The following SEL1L2 variants were observed in gnomAD, a reference collection of about 807,000 sequenced individuals.
SEL1L2 encodes protein sel-1 homolog 2.
Under a neutral mutation model 98.8 loss-of-function variants are expected in SEL1L2, and 89 were observed. The observed-to-expected ratio is 0.90, with a 90% CI of 0.76 to 1.07. The LOEUF (loss-of-function observed/expected upper bound fraction) is 1.07, where lower values mean the gene tolerates loss of function less well. Among genes scored for constraint, SEL1L2 ranks in the 50% least tolerant of loss-of-function variants. SEL1L2 has a pLI of 0.00. For missense variants in SEL1L2, 788 were observed against 812.0 expected (o/e 0.97, Z 0.36); for synonymous variants, 262 against 278.5 (o/e 0.94, Z 0.59).
chr20:13,982,731 T>C (rs1239612676), intron 1 of SEL1L2, among the ~76,000 whole-genome samples: 1 of 151,532 alleles, frequency 6.6e-6, no homozygotes, highest in African/African-American at 2.4e-5. Context: ...TTACACTACC[T>C]TAAAGCAGCA....
Position 13,935,732 on chromosome 20 carries a change from G to C in SEL1L2, c.115-3961C>G, listed in dbSNP as rs566896700. Among the ~76,000 whole-genome samples, 7 of 152,266 alleles carry C rather than the reference G, an allele frequency of 4.6e-5. No homozygotes were observed. In the East Asian group the frequency reaches 1.4e-3, roughly 29 times the overall value. The stretch of plus-strand genomic sequence containing the variant: ...GAATGGGAGCCCTATGGAGGGTTCT[G>C]AGCAGAGGAGTGATATTAACTGAAT... On this transcript the variant is annotated intron_variant, in intron 2 of 19. Coordinates refer to ENST00000284951, the MANE Select transcript of SEL1L2 (RefSeq NM_025229.2).
intron 4 of SEL1L2, among the ~76,000 whole-genome samples, chr20:13,918,619 G>C (rs1304520065): frequency 6.6e-6 from 1 of 152,182 alleles, no homozygotes; most frequent in Non-Finnish European, 1.5e-5. Flanking sequence ...ACATGAAAGT[G>C]CTTTTAAAAA....
At chr20:13,921,759 T>C (rs1483527122) in intron 3 of SEL1L2, among the ~76,000 whole-genome samples, 1 of 152,222 alleles carries the variant, frequency 6.6e-6, no homozygotes, top group African/African-American at 2.4e-5. Context: ...TCCATTGATA[T>C]TAACTTGTGT....
intron 9 of SEL1L2, among the ~76,000 whole-genome samples, chr20:13,885,749 A>G (rs2046920567): frequency 6.6e-6 from 1 of 152,142 alleles, no homozygotes; most frequent in South Asian, 2.1e-4. Flanking sequence ...TAAAACCAAC[A>G]TTGGGGTTGG....
intron 1 of SEL1L2, among the ~76,000 whole-genome samples, chr20:13,972,045 GTGTGTGAGGACACACA>G (rs1378177825): frequency 6.6e-6 from 1 of 151,946 alleles, no homozygotes; most frequent in African/African-American, 2.4e-5. Context: ...ACTTCTCTGT[GTGTGTGAGGACACACA>G]CACACACGCC....
At chr20:13,853,494 G>A (rs1163839158) in intron 18 of SEL1L2, among the ~76,000 whole-genome samples, 2 of 152,044 alleles carry the variant, frequency 1.3e-5, no homozygotes, top group Admixed American at 6.6e-5. Flanking sequence ...GATTACAGGC[G>A]TGAGCCACTG....
chr20:13,876,537 T>C (rs1048647142), intron 11 of SEL1L2, among the ~76,000 whole-genome samples: 1 of 151,746 alleles, frequency 6.6e-6, no homozygotes, highest in Non-Finnish European at 1.5e-5. Context: ...GAGTGAATAG[T>C]CTTTGAAGGA....
Position 13,987,854 on chromosome 20 carries a change from G to T in SEL1L2, c.58+2623C>A, listed in dbSNP as rs574798964. ...TGTCATTTTGTTGATGAGTTGTAAGGTTCTTTGTATACTCTGAATACTGAA... is the reference window on the plus strand; with the variant it reads ...TGTCATTTTGTTGATGAGTTGTAAGTTTCTTTGTATACTCTGAATACTGAA... On this transcript the variant is annotated intron_variant, in intron 1 of 19. Transcript: ENST00000284951. 3.0e-3 allele frequency among the ~76,000 whole-genome samples: 456 copies of T among 152,232 alleles called. 3 individuals are homozygous for T. Among genetic ancestry groups the T allele is most frequent in the Non-Finnish European group, 5.1e-3 (348 of 68,014 alleles).
chr20:13,986,247 G>A (rs1348446661), intron 1 of SEL1L2, among the ~76,000 whole-genome samples: 1 of 152,146 alleles, frequency 6.6e-6, no homozygotes, highest in Admixed American at 6.5e-5. Flanking sequence ...AAAAATTGAG[G>A]TGAAATCCAT....
chr20:13,868,877 C>T (rs1185548398), intron 14 of SEL1L2, among the ~76,000 whole-genome samples: 4 of 152,126 alleles, frequency 2.6e-5, no homozygotes, highest in African/African-American at 7.2e-5. Context: ...GGATTACAGG[C>T]GTGAGCCACC....
chr20:13,966,876 TGTC>T (rs1395773599), intron 1 of SEL1L2, among the ~76,000 whole-genome samples: 1 of 117,566 alleles, frequency 8.5e-6, no homozygotes, highest in Non-Finnish European at 1.7e-5. Flanking sequence ...ACCAGAGACC[TGTC>T]TTTTTTTTTT....
chr20:13,850,309 A>G lies in SEL1L2; in HGVS notation c.1829T>C (p.Leu610Ser). Residue 610 changes from leucine (L) to serine (S), a missense_variant, in exon 19 of 20, where the codon TTG becomes TCG. By Grantham distance (145) the Leu-to-Ser change is moderately radical (BLOSUM62 -2). Transcript: ENST00000284951. Reference sequence around the variant, plus strand: ...AGCCATGTCGTACAATCTTCTGGCCAAGTGAATGTCCTAGAAGGAGAAGAA... The same window carrying G: ...AGCCATGTCGTACAATCTTCTGGCCGAGTGAATGTCCTAGAAGGAGAAGAA... ...HGLGITKDIH[L>S]ARRLYDMAAQ... 6.2e-7 allele frequency: 1 copy of G among 1,614,046 alleles called. No homozygotes were observed.
intron 2 of SEL1L2, among the ~76,000 whole-genome samples, chr20:13,934,973 A>G (rs2049382057): frequency 1.3e-5 from 2 of 152,140 alleles, no homozygotes; most frequent in African/African-American, 4.8e-5. Flanking sequence ...TCTCTAGTAT[A>G]GTGGAATTAT....
chr20:13,967,621 T>C (rs910528450), intron 1 of SEL1L2, among the ~76,000 whole-genome samples: 3 of 152,162 alleles, frequency 2.0e-5, no homozygotes. Flanking sequence ...CAACTTTCCT[T>C]AACAACTGGT....
rs921214852 is a variant in SEL1L2 at position 13,876,087 on chromosome 20, G to A, written c.1055C>T (p.Pro352Leu). ...KMYLEGNAAVPQNNATAFKYF... is the reference protein window; with the variant it reads ...KMYLEGNAAVLQNNATAFKYF... ...CTTGAAGGCAGTAGCGTTATTTTGC[G>A]GCACGGCAGCATTCCCCTCTAAATA... Residue 352 changes from proline (P) to leucine (L), a missense_variant, in exon 12 of 20, where the codon CCG becomes CTG. By Grantham distance (98) the Pro-to-Leu change is moderately conservative (BLOSUM62 -3). Coordinates refer to ENST00000284951, the MANE Select transcript of SEL1L2 (RefSeq NM_025229.2). The A allele has an allele frequency of 6.8e-6, 11 of 1,613,754 alleles. No individual in the cohort carries two copies. Among genetic ancestry groups the A allele is most frequent in the African/African-American group, 5.3e-5 (4 of 74,890 alleles).
chr20:13,965,376 T>C (rs2050994932), intron 1 of SEL1L2, among the ~76,000 whole-genome samples: 1 of 152,144 alleles, frequency 6.6e-6, no homozygotes, highest in South Asian at 2.1e-4. Context: ...AGACAGTAAG[T>C]ACCAGAAATG....
At chr20:13,944,878 G>A (rs6033855) in intron 2 of SEL1L2, among the ~76,000 whole-genome samples, 100,491 of 152,028 alleles carry the variant, frequency 0.66, 34,153 homozygotes, top group East Asian at 0.78. Context: ...GAAGGGAGAA[G>A]ATATGAAACA....
At position 13,956,146 on chromosome 20, in the gene SEL1L2, A is replaced by AT. The variant is rs143763442; in HGVS notation, c.59-16dup. 10 of 1,392,938 alleles carry AT rather than the reference A, an allele frequency of 7.2e-6. No individual in the cohort carries two copies. The highest frequency in any genetic ancestry group is 1.3e-5 in the South Asian group (1 of 74,086). The allele number at this position is 1,392,938 out of a possible 1,614,324, so 86.3% of individuals were successfully genotyped here. On this transcript the variant is annotated splice_polypyrimidine_tract_variant and intron_variant, in intron 1 of 19. Coordinates refer to ENST00000284951, the MANE Select transcript of SEL1L2 (RefSeq NM_025229.2). ...TGCTTTGATAGCTGCAATACACAAA[A>AT]TTTTTTTATAAAATTTAAAAGCATT...
chr20:13,862,266 G>A (rs1478377762), intron 17 of SEL1L2, among the ~76,000 whole-genome samples: 1 of 151,338 alleles, frequency 6.6e-6, no homozygotes, highest in African/African-American at 2.4e-5. Flanking sequence ...GACTTTTTAA[G>A]ATCTGAGACT....
Sources: gnomAD v4.1 joint callset for allele counts (sites outside exome capture counted in the v4.1 genomes callset) on GRCh38, gnomAD v4.1.1 for gene constraint, MANE v1.5 for transcripts, NCBI Gene and HGNC (gene_info 2026-07-23, HGNC 2026-07-21) for gene names.